Variants in CPB1 observed in about 807,000 individuals in gnomAD.
The protein encoded by CPB1 is carboxypeptidase B.
A neutral mutation model predicts 51.4 loss-of-function variants in CPB1; 53 were observed. The observed-to-expected ratio is 1.03, with a 90% CI of 0.83 to 1.30. The LOEUF (loss-of-function observed/expected upper bound fraction) is 1.30. Ranked by LOEUF, CPB1 falls within the 50% of genes most tolerant of loss-of-function variation. The pLI is 0.00. For synonymous variants in CPB1, 189 were observed against 186.9 expected, an observed-to-expected ratio of 1.01 and a Z score of -0.09; for missense variants, 494 against 516.2, an observed-to-expected ratio of 0.96 and a Z score of 0.42.
chr3:148,838,479 G>A (rs1712977093), intron 3 of CPB1: 1 of 151,686 alleles, frequency 6.6e-6, no homozygotes, highest in Non-Finnish European at 1.5e-5. Context: ...TCTGTCGGTT[G>A]ATTTTTTTGT....
intron 5 of CPB1, 52 bp from the exon 6 acceptor site, chr3:148,841,771 C>A: frequency 6.7e-7 from 1 of 1,496,174 alleles, no homozygotes; most frequent in South Asian, 1.2e-5. Context: ...AGGTTAACCC[C>A]TGAATGTCCT....
At chr3:148,836,786 T>C (rs970760105) in intron 3 of CPB1, among the ~76,000 whole-genome samples, 2 of 152,068 alleles carry the variant, frequency 1.3e-5, no homozygotes, top group Non-Finnish European at 2.9e-5. Flanking sequence ...CTTGCTGGGG[T>C]TGCAAGCAGT....
intron 9 of CPB1, among the ~76,000 whole-genome samples, chr3:148,847,372 T>TAAAAAAAAAAAAAAAAAAA (rs3043983): frequency 1.2e-5 from 1 of 86,718 alleles, no homozygotes; most frequent in Non-Finnish European, 2.1e-5. Context: ...AAATCATTCT[T>TAAAAAAAAAAAAAAAAAAA]AAAAAAAAAA....
chr3:148,829,393 T>G lies in CPB1; in HGVS notation c.147+1316T>G, dbSNP rs529813652. ...GACATTTATTAATGGTGCCTAAGAT[T>G]CTTTTTAGCATCTTAAACAGTCATA... On this transcript the variant is annotated intron_variant, in intron 2 of 10. Coordinates refer to ENST00000282957, the MANE Select transcript of CPB1 (RefSeq NM_001871.3). 1.6e-4 allele frequency among the ~76,000 whole-genome samples: 25 copies of G among 152,344 alleles called. 2 individuals carry two copies. In the South Asian group the frequency reaches 4.4e-3, roughly 27 times the overall value.
At chr3:148,842,317 T>G (rs1713110858) in intron 6 of CPB1, among the ~76,000 whole-genome samples, 2 of 152,220 alleles carry the variant, frequency 1.3e-5, no homozygotes, top group African/African-American at 2.4e-5. Context: ...TGATTGGTCA[T>G]GTAAAAGCTA....
intron 6 of CPB1, 96 bp downstream of exon 6, chr3:148,842,020 A>G: frequency 1.0e-6 from 1 of 969,598 alleles, no homozygotes; most frequent in East Asian, 2.5e-5. Flanking sequence ...ACAGAAAAAA[A>G]TACACAATTA....
intron 1 of CPB1, 34 bp downstream of exon 1, chr3:148,827,928 T>G (rs746362564): frequency 8.1e-6 from 13 of 1,611,314 alleles, no homozygotes; most frequent in South Asian, 6.6e-5. Context: ...CAAGTCCTTC[T>G]TCCTTGCTAG....
chr3:148,835,928 GA>G (rs1046226267), intron 3 of CPB1, among the ~76,000 whole-genome samples: 2 of 152,010 alleles, frequency 1.3e-5, no homozygotes, highest in South Asian at 4.1e-4. Context: ...AAGGCTTTGG[GA>G]AAAAAACAGA....
At chr3:148,837,250 G>A (rs899248952) in intron 3 of CPB1, among the ~76,000 whole-genome samples, 8 of 152,112 alleles carry the variant, frequency 5.3e-5, no homozygotes, top group African/African-American at 1.9e-4. Context: ...ACGTATATCA[G>A]CATTTTTCTG....
chr3:148,844,545 T>G lies in CPB1; in HGVS notation c.644T>G (p.Leu215Arg). Residue 215 changes from leucine to arginine, a missense_variant, in exon 7 of 11, where the codon CTG becomes CGG. Leu to Arg is a moderately radical substitution (Grantham distance 102, BLOSUM62 -2). Coordinates refer to ENST00000282957, the MANE Select transcript of CPB1 (RefSeq NM_001871.3). ...ELLDKLDFYV[L>R]PVLNIDGYIY... ...CTCGACAAGTTAGACTTTTATGTCC[T>G]GCCTGTGCTCAATATTGATGGCTAC... 2 of 1,613,952 alleles carry G rather than the reference T, an allele frequency of 1.2e-6. No individual in the cohort carries two copies. The highest frequency in any genetic ancestry group is 1.7e-6 in the Non-Finnish European group (2 of 1,179,870).
At chr3:148,841,009 G>C in intron 5 of CPB1, 34 bp downstream of exon 5, 1 of 1,545,768 alleles carries the variant, frequency 6.5e-7, no homozygotes. Flanking sequence ...TGCCATGTCT[G>C]AGGGCTTTAA....
chr3:148,834,755 C>G, intron 3 of CPB1, 133 bp downstream of exon 3: 1 of 696,976 alleles, frequency 1.4e-6, no homozygotes, highest in South Asian at 2.5e-5. Flanking sequence ...TAGGTAATGG[C>G]AGAGCTGGCC....
chr3:148,859,784 G>A lies in CPB1; in HGVS notation c.1067-31G>A, dbSNP rs1713695526. On this transcript the variant is annotated intron_variant, in intron 10 of 10. Coordinates refer to ENST00000282957, the MANE Select transcript of CPB1 (RefSeq NM_001871.3). The stretch of plus-strand genomic sequence containing the variant: ...TTTAAAGCTCCTTCCTAGATTTAAA[G>A]TTTTTTTTCACTGCTGTTTGCACAT... 3.2e-6 allele frequency: 5 copies of A among 1,547,750 alleles called. No individual in the cohort carries two copies. The Middle Eastern group carries it at 6.2e-4, about 193-fold the overall frequency.
At chr3:148,842,087 A>G (rs1713102360) in intron 6 of CPB1, among the ~76,000 whole-genome samples, 163 bp downstream of exon 6, 1 of 152,262 alleles carries the variant, frequency 6.6e-6, no homozygotes, top group South Asian at 2.1e-4. Flanking sequence ...TTTATAAGGC[A>G]GAAAATTCTA....
At chr3:148,857,628 T>A in intron 10 of CPB1, 87 bp downstream of exon 10, 2 of 906,248 alleles carry the variant, frequency 2.2e-6, no homozygotes, top group Non-Finnish European at 3.4e-6. Context: ...TCTGATAGTT[T>A]AAAGCATGTG....
At chr3:148,838,400 T>G (rs1026812960) in intron 3 of CPB1, 4 of 151,848 alleles carry the variant, frequency 2.6e-5, no homozygotes, top group African/African-American at 9.7e-5. Context: ...TCCGAGAAGC[T>G]CATCCTTATT....
chr3:148,849,628 T>C lies in CPB1; in HGVS notation c.981+4002T>C, dbSNP rs565377780. Among the ~76,000 whole-genome samples, 23 of 152,230 alleles carry C rather than the reference T, an allele frequency of 1.5e-4. No individual in the cohort carries two copies. In the South Asian group the frequency reaches 2.1e-3, roughly 14 times the overall value. ...TGAAAAATGGGAAGCCAGAAGAATA[T>C]CCAGCCAACAAGTATCTTGTCCCTC... On this transcript the variant is annotated intron_variant, in intron 9 of 10. Transcript: ENST00000282957.
chr3:148,857,365 C>G (rs1713610089), intron 9 of CPB1, 92 bp from the exon 10 acceptor site: 22 of 922,422 alleles, frequency 2.4e-5, no homozygotes, highest in Non-Finnish European at 3.6e-5. Context: ...TTGTTACTTA[C>G]ATGCTTTGAA....
chr3:148,846,797 G>GTGTGTGTATATATATATA (rs1364486523), intron 9 of CPB1, among the ~76,000 whole-genome samples: 2 of 50,534 alleles, frequency 4.0e-5, no homozygotes, highest in African/African-American at 1.1e-4. Context: ...GTGTGCGTGT[G>GTGTGTGTATATATATATA]TATATATATA....
Sources: gnomAD v4.1 joint callset for allele counts (sites outside exome capture counted in the v4.1 genomes callset) on GRCh38, gnomAD v4.1.1 for gene constraint, MANE v1.5 for transcripts, NCBI Gene and HGNC (gene_info 2026-07-23, HGNC 2026-07-21) for gene names.